Variants in KDM6A observed in about 807,000 individuals in gnomAD.
The protein encoded by KDM6A is lysine-specific demethylase 6A.
KDM6A carries 11 observed loss-of-function variants against 117.6 expected under a neutral mutation model. The observed-to-expected ratio is 0.09, with a 90% CI of 0.06 to 0.15. KDM6A has a LOEUF of 0.15. Ranked by LOEUF, KDM6A falls within the 10% of genes least tolerant of loss-of-function variation. KDM6A has a pLI of 1.00. For synonymous variants in KDM6A, 384 were observed against 396.1 expected (o/e 0.97, Z 0.36); for missense variants, 799 against 1,077.3 (o/e 0.74, Z 3.62).
intron 24 of KDM6A, among the ~76,000 whole-genome samples, chrX:45,084,270 C>G (rs1352881187): frequency 2.7e-5 from 3 of 112,056 alleles, no homozygotes; most frequent in African/African-American, 9.7e-5. Flanking sequence ...AATTTTCCAT[C>G]CAGTACTGAA....
intron 5 of KDM6A, 117 bp from the exon 6 acceptor site, chrX:45,020,492 TA>T: frequency 2.5e-6 from 2 of 807,653 alleles, no homozygotes; most frequent in Non-Finnish European, 3.6e-6. Flanking sequence ...ATCATTTTTA[TA>T]AAACCAACAT....
rs1004221228 is a variant in KDM6A, at chrX:44,997,443, A to G, written c.385-13518A>G. Among the ~76,000 whole-genome samples the G allele has an allele frequency of 2.7e-5, 3 of 110,558 alleles. No homozygotes were observed. The Admixed American group carries it at 2.9e-4, about 11-fold the overall frequency. ...CTCTTCCGCCTGCATGCTCCCCTCA[A>G]CATCCTCTCGATGTCCAGCCACTTG... On this transcript the variant is annotated intron_variant, in intron 4 of 29. Coordinates refer to ENST00000611820, the MANE Select transcript of KDM6A (RefSeq NM_001291415.2).
chrX:44,911,915 C>T (rs1290101064), intron 2 of KDM6A, among the ~76,000 whole-genome samples: 5 of 107,444 alleles, frequency 4.7e-5, no homozygotes, highest in East Asian at 6.2e-4. Context: ...CAATCGCAGG[C>T]GCTTGGCAGG....
At position 44,910,965 on chromosome X, in the gene KDM6A, G is replaced by A. The variant is rs757677108; in HGVS notation, c.225+36978G>A. The stretch of plus-strand genomic sequence containing the variant: ...CCCCACATTTACCCCTTTTCTATTC[G>A]ACAAAACCGCCATCGTCATCATGGC... On this transcript the variant is annotated intron_variant, in intron 2 of 29. Transcript: ENST00000611820. Among the ~76,000 whole-genome samples, 520 of 112,372 alleles carry A rather than the reference G, an allele frequency of 4.6e-3. 3 individuals carry two copies. The highest frequency in any genetic ancestry group is 9.3e-3 in the Middle Eastern group (2 of 216).
chrX:45,073,827 C>G (rs970621129), intron 18 of KDM6A, among the ~76,000 whole-genome samples: 5 of 111,690 alleles, frequency 4.5e-5, no homozygotes, highest in Non-Finnish European at 9.4e-5. Context: ...TGTAGGTTGC[C>G]TGTTCACTCT....
At chrX:45,061,054 G>A (rs1242659810) in intron 14 of KDM6A, among the ~76,000 whole-genome samples, 7 of 111,288 alleles carry the variant, frequency 6.3e-5, no homozygotes, top group Non-Finnish European at 1.1e-4. Flanking sequence ...TGGATCTAGT[G>A]GACAGTGTGG....
At chrX:44,913,875 G>A (rs1257691502) in intron 2 of KDM6A, among the ~76,000 whole-genome samples, 5 of 111,220 alleles carry the variant, frequency 4.5e-5, no homozygotes, top group South Asian at 3.7e-4. Context: ...TTGAAGATGC[G>A]TCCTTAACTA....
At chrX:44,891,288 G>A (rs1036169087) in intron 2 of KDM6A, among the ~76,000 whole-genome samples, 1 of 110,756 alleles carries the variant, frequency 9.0e-6, no homozygotes, top group African/African-American at 3.3e-5. Flanking sequence ...AAGTTTCATA[G>A]TTTTTTATTC....
chrX:44,990,717 ATC>A (rs1210824022), intron 4 of KDM6A, among the ~76,000 whole-genome samples: 6 of 111,424 alleles, frequency 5.4e-5, no homozygotes, highest in African/African-American at 2.0e-4. Context: ...TTTATTTTTT[ATC>A]TCTGCTGGTA....
chrX:45,051,865 GT>G (rs2043866606), intron 9 of KDM6A, 63 bp downstream of exon 9: 1 of 640,313 alleles, frequency 1.6e-6, no homozygotes, highest in Admixed American at 2.7e-5. Flanking sequence ...TCCATGTCGA[GT>G]GTGGCAAATA....
intron 8 of KDM6A, among the ~76,000 whole-genome samples, chrX:45,046,975 GTGA>G (rs1347545755): frequency 9.3e-6 from 1 of 106,992 alleles, no homozygotes; most frequent in African/African-American, 3.5e-5. Flanking sequence ...TTTATTGGTG[GTGA>G]TGATGGTGGT....
intron 16 of KDM6A, 103 bp from the exon 17 acceptor site, chrX:45,063,319 T>C (rs2044385093): frequency 9.1e-6 from 7 of 767,976 alleles, no homozygotes; most frequent in African/African-American, 4.1e-5. Flanking sequence ...TCCCTAATTA[T>C]ACATCTTCAT....
chrX:45,049,969 ACTAT>A (rs1205197681), intron 8 of KDM6A, among the ~76,000 whole-genome samples: 1 of 113,032 alleles, frequency 8.8e-6, no homozygotes, highest in East Asian at 2.8e-4. Context: ...CCTTGGCCTA[ACTAT>A]CTAATTAACT....
At chrX:44,997,956 G>A (rs1208799650) in intron 4 of KDM6A, among the ~76,000 whole-genome samples, 1 of 112,148 alleles carries the variant, frequency 8.9e-6, no homozygotes, top group African/African-American at 3.2e-5. Context: ...TGTCCTGACT[G>A]AAGTGGTGGT....
chrX:45,078,319 TAATG>T, intron 19 of KDM6A, 77 bp from the exon 20 acceptor site: 6 of 928,209 alleles, frequency 6.5e-6, no homozygotes, highest in Non-Finnish European at 9.1e-6. Flanking sequence ...TTGTGAAAAA[TAATG>T]AATATTAATT....
At chrX:44,956,296 G>A (rs770882470) in intron 2 of KDM6A, among the ~76,000 whole-genome samples, 1 of 112,007 alleles carries the variant, frequency 8.9e-6, no homozygotes, top group South Asian at 3.7e-4. Flanking sequence ...ACCTTGGTGA[G>A]CTGATTATTG....
intron 2 of KDM6A, among the ~76,000 whole-genome samples, chrX:44,947,994 C>G (rs531671889): frequency 9.0e-6 from 1 of 111,428 alleles, no homozygotes; most frequent in East Asian, 2.8e-4. Context: ...TCTGGTTCCC[C>G]TGACCGCCCC....
At chrX:44,917,247 G>A (rs1480808114) in intron 2 of KDM6A, among the ~76,000 whole-genome samples, 1 of 110,273 alleles carries the variant, frequency 9.1e-6, no homozygotes, top group Admixed American at 9.7e-5. Context: ...GGCTGGTCTC[G>A]AACTCTTGAC....
At chrX:44,960,817 AAGTC>A (rs997911945) in intron 2 of KDM6A, among the ~76,000 whole-genome samples, 2 of 111,308 alleles carry the variant, frequency 1.8e-5, no homozygotes, top group Admixed American at 9.6e-5. Flanking sequence ...GTCTGGCAAA[AAGTC>A]AGTAAAAGCA....
Sources: allele counts gnomAD v4.1 joint callset (sites outside exome capture counted in the v4.1 genomes callset), GRCh38; gene constraint gnomAD v4.1.1; transcripts MANE v1.5; gene names NCBI Gene and HGNC (gene_info 2026-07-23, HGNC 2026-07-21).